ARHGEF38: variants seen among roughly 807,000 people sequenced by gnomAD.
The protein encoded by ARHGEF38 is Rho guanine nucleotide exchange factor 38.
In ARHGEF38, 79 loss-of-function variants were observed where a neutral mutation model predicts 79.9. The observed-to-expected ratio is 0.99, with a 90% confidence interval of 0.82 to 1.19. ARHGEF38 has a LOEUF of 1.19. ARHGEF38 is among the 50% of genes most tolerant of loss of function. The pLI, the probability that ARHGEF38 is intolerant of heterozygous loss-of-function variation, is 0.00. For missense variants in ARHGEF38, 962 were observed against 907.2 expected, an observed-to-expected ratio of 1.06 and a Z score of -0.78; for synonymous variants, 366 against 328.3, an observed-to-expected ratio of 1.11 and a Z score of -1.24.
rs1729750571 is a variant in ARHGEF38 at position 105,644,366 on chromosome 4, TAA to T, written c.675-820_675-819del. Among the ~76,000 whole-genome samples the T allele has an allele frequency of 3.3e-5, 5 of 152,368 alleles. No individual in the cohort carries two copies. In the South Asian group the frequency reaches 1.0e-3, roughly 32 times the overall value. On this transcript the variant is annotated intron_variant, in intron 5 of 13. Transcript: ENST00000420470. ...CAGTGTATCTTTATTGGTCTCTGCA[TAA>T]AGAGGCTTTTAGAAATCACTGCCTT... is the stretch of plus-strand genomic sequence containing the variant.
downstream of ARHGEF38, among the ~76,000 whole-genome samples, chr4:105,681,752 T>C (rs1235867942): frequency 6.6e-6 from 1 of 152,170 alleles, no homozygotes; most frequent in African/African-American, 2.4e-5. Flanking sequence ...ACCAAAAAAA[T>C]TTGCAACCTC....
intron 8 of ARHGEF38, 126 bp from the exon 9 acceptor site, chr4:105,655,477 T>C: frequency 7.3e-6 from 7 of 964,690 alleles, no homozygotes; most frequent in Non-Finnish European, 1.0e-5. Flanking sequence ...AAAATGTTTG[T>C]TGTTCCTTTT....
At chr4:105,668,440 G>A (rs1010268232) in intron 13 of ARHGEF38, among the ~76,000 whole-genome samples, 3 of 152,084 alleles carry the variant, frequency 2.0e-5, no homozygotes, top group African/African-American at 4.8e-5. Context: ...TTCCCTCACT[G>A]CACTAATGCA....
intron 1 of ARHGEF38, among the ~76,000 whole-genome samples, chr4:105,588,974 G>A (rs1412437409): frequency 3.3e-5 from 5 of 152,048 alleles, no homozygotes; most frequent in Admixed American, 1.3e-4. Context: ...GCTGAATACC[G>A]GCTTTATAGG....
At chr4:105,667,073 C>A in intron 11 of ARHGEF38, 56 bp from the exon 12 acceptor site, 1 of 1,374,710 alleles carries the variant, frequency 7.3e-7, no homozygotes, top group Non-Finnish European at 9.7e-7. Context: ...TTACCAACTC[C>A]ATGAGGATTT....
At chr4:105,681,061 T>C (rs531872521), downstream of ARHGEF38, 9 of 152,168 alleles carry the variant, frequency 5.9e-5, no homozygotes, top group African/African-American at 1.7e-4. Context: ...CAAAGGGAAA[T>C]TGGGGTTTAT....
At chr4:105,627,843 A>T (rs1729012140) in intron 3 of ARHGEF38, among the ~76,000 whole-genome samples, 1 of 152,148 alleles carries the variant, frequency 6.6e-6, no homozygotes, top group Non-Finnish European at 1.5e-5. Context: ...TGCAAGACAC[A>T]CTGCTTCATC....
chr4:105,666,041 G>C (rs1298746351), intron 10 of ARHGEF38, 136 bp from the exon 11 acceptor site: 2 of 601,382 alleles, frequency 3.3e-6, no homozygotes, highest in Non-Finnish European at 4.9e-6. Flanking sequence ...TTATCTAGAA[G>C]TTCTAAAGTT....
chr4:105,672,117 C>T (rs189067162), intron 13 of ARHGEF38, among the ~76,000 whole-genome samples: 8 of 152,164 alleles, frequency 5.3e-5, no homozygotes, highest in African/African-American at 1.7e-4. Flanking sequence ...GAATTTTTAA[C>T]CTGGACGCGA....
chr4:105,553,795 T>C (rs1248309780), intron 1 of ARHGEF38, among the ~76,000 whole-genome samples: 1 of 152,150 alleles, frequency 6.6e-6, no homozygotes, highest in East Asian at 1.9e-4. Flanking sequence ...TGTTATGTGG[T>C]CCTCCAGAAC....
At chr4:105,659,000 A>G in intron 9 of ARHGEF38, 54 bp from the exon 10 acceptor site, 4 of 1,435,286 alleles carry the variant, frequency 2.8e-6, no homozygotes, top group Non-Finnish European at 2.8e-6. Context: ...GCAGAACTGG[A>G]CAAGGTATGG....
chr4:105,664,708 A>T (rs1038851119), intron 10 of ARHGEF38, among the ~76,000 whole-genome samples: 1 of 152,318 alleles, frequency 6.6e-6, no homozygotes, highest in African/African-American at 2.4e-5. Context: ...GAAAACCTTT[A>T]GAAATAGTGC....
intron 5 of ARHGEF38, among the ~76,000 whole-genome samples, chr4:105,638,736 T>G (rs1239904105): frequency 1.3e-5 from 1 of 75,368 alleles, no homozygotes; most frequent in Admixed American, 1.3e-4. Flanking sequence ...TGCTACCTCA[T>G]TCATCATCAA....
intron 5 of ARHGEF38, among the ~76,000 whole-genome samples, chr4:105,642,240 C>T (rs925210408): frequency 3.3e-5 from 5 of 152,012 alleles, no homozygotes; most frequent in South Asian, 2.1e-4. Flanking sequence ...CTTGTCTGTG[C>T]GATGCAGTTT....
intron 5 of ARHGEF38, among the ~76,000 whole-genome samples, chr4:105,642,709 G>A (rs1446648481): frequency 1.3e-5 from 2 of 152,178 alleles, no homozygotes; most frequent in East Asian, 1.9e-4. Context: ...CCTACAAGAC[G>A]GCTGCACATC....
At chr4:105,561,395 T>C (rs1725518308) in intron 1 of ARHGEF38, among the ~76,000 whole-genome samples, 2 of 12,246 alleles carry the variant, frequency 1.6e-4, no homozygotes, top group African/African-American at 4.5e-4. Context: ...AAAAATAGAG[T>C]AGAATAATAG....
rs778409804 is a variant in ARHGEF38 at position 105,653,324 on chromosome 4, CTT to C, written c.1009-726_1009-725del. On this transcript the variant is annotated intron_variant, in intron 7 of 13. Transcript: ENST00000420470. ...GAGTTGATAAAGAATTTTCACATTT[CTT>C]TTTTTTTTTTTTTTGAGACAGAGTC... is the stretch of plus-strand genomic sequence containing the variant. Among the ~76,000 whole-genome samples the C allele has an allele frequency of 1.1e-3, 152 of 136,466 alleles. 1 individual carries two copies. The highest frequency in any genetic ancestry group is 3.8e-3 in the Middle Eastern group (1 of 266). The allele number at this position is 136,466 out of a possible 152,430, so 89.5% of individuals were successfully genotyped here. A position where few individuals can be genotyped will look rare whatever the true frequency, so the allele number is the denominator to read the frequency against.
intron 1 of ARHGEF38, among the ~76,000 whole-genome samples, chr4:105,578,843 T>C (rs758835657): frequency 2.4e-4 from 37 of 152,178 alleles, no homozygotes; most frequent in Non-Finnish European, 8.8e-5. Context: ...TGGTTTGTGA[T>C]TTTTTTAATC....
intron 11 of ARHGEF38, among the ~76,000 whole-genome samples, chr4:105,666,668 G>C (rs956608574): frequency 1.3e-5 from 2 of 152,166 alleles, no homozygotes; most frequent in Non-Finnish European, 2.9e-5. Flanking sequence ...AGGCCCCAGA[G>C]ATAAGTGGGT....
Sources: gnomAD v4.1 joint callset for allele counts (sites outside exome capture counted in the v4.1 genomes callset) on GRCh38, gnomAD v4.1.1 for gene constraint, MANE v1.5 for transcripts, NCBI Gene and HGNC (gene_info 2026-07-23, HGNC 2026-07-21) for gene names.